Variants in NAV1 observed in about 807,000 individuals in gnomAD.
NAV1 encodes the protein neuron navigator 1, also known as pore membrane and/or filament interacting like protein 3.
NAV1 carries 18 observed loss-of-function variants against 175.2 expected under a neutral mutation model. The observed-to-expected ratio is 0.10, with a 90% confidence interval of 0.07 to 0.15. The LOEUF is 0.15. NAV1 is among the 10% of genes least tolerant of loss of function. The probability of loss-of-function intolerance (pLI) is 1.00; values close to 1 mark genes in which losing one functional copy is unlikely to be tolerated. For synonymous variants in NAV1, 897 were observed against 978.7 expected (o/e 0.92, Z 1.56); for missense variants, 1,731 against 2,436.6 (o/e 0.71, Z 6.10).
chr1:201,659,377 AG>A (rs1669522025), intron 1 of NAV1, among the ~76,000 whole-genome samples: 1 of 152,248 alleles, frequency 6.6e-6, no homozygotes, highest in Non-Finnish European at 1.5e-5. Context: ...GCACTTTGGG[AG>A]GCCGAGGTCG....
At chr1:201,568,472 G>T (rs1459652245) in intron 1 of NAV1, among the ~76,000 whole-genome samples, 1 of 152,160 alleles carries the variant, frequency 6.6e-6, no homozygotes, top group African/African-American at 2.4e-5. Flanking sequence ...GTGGTGGTAT[G>T]TCTGGCCACA....
intron 15 of NAV1, 165 bp downstream of exon 19, chr1:201,794,742 T>C (rs1344225776): frequency 1.5e-6 from 1 of 660,742 alleles, no homozygotes; most frequent in Non-Finnish European, 2.6e-6. Context: ...CAGTGAGGAG[T>C]ACCAGGGGCA....
chr1:201,749,595 G>T (rs1325599277), intron 3 of NAV1, among the ~76,000 whole-genome samples: 18 of 152,218 alleles, frequency 1.2e-4, no homozygotes, highest in Admixed American at 1.2e-3. Flanking sequence ...GTTTATGCCA[G>T]TTGAACTTGG....
rs145244423 is a variant in NAV1, at chr1:201,744,300, C to CTATG, written c.1226+25561_1226+25564dup. On this transcript the variant is annotated intron_variant, in intron 3 of 29. Transcript: ENST00000367296. ...AGACAAAACCCTAAGGAGCTGACGG[C>CTATG]TATGTATGTATGTATGTATTTATTT... 6.2e-4 allele frequency among the ~76,000 whole-genome samples: 94 copies of CTATG among 150,722 alleles called. 2 individuals are homozygous for CTATG. The highest frequency in any genetic ancestry group is 1.0e-3 in the Non-Finnish European group (68 of 67,802).
intron 1 of NAV1, among the ~76,000 whole-genome samples, chr1:201,685,957 C>A (rs1286179509): frequency 1.3e-5 from 2 of 152,232 alleles, no homozygotes; most frequent in African/African-American, 4.8e-5. Flanking sequence ...CCCCTGAATG[C>A]AGTCTTGGCT....
intron 3 of NAV1, among the ~76,000 whole-genome samples, chr1:201,759,387 A>G (rs1674700375): frequency 6.6e-6 from 1 of 152,232 alleles, no homozygotes; most frequent in Non-Finnish European, 1.5e-5. Context: ...TCAACTTCAC[A>G]GACTGAAGGA....
intron 1 of NAV1, among the ~76,000 whole-genome samples, chr1:201,689,860 G>A (rs1670832886): frequency 6.6e-6 from 1 of 152,184 alleles, no homozygotes; most frequent in African/African-American, 2.4e-5. Flanking sequence ...TCCCCAGAGT[G>A]TGTCTATTTC....
intron 3 of NAV1, among the ~76,000 whole-genome samples, chr1:201,748,768 C>A (rs1220226807): frequency 6.6e-6 from 1 of 152,120 alleles, no homozygotes; most frequent in Non-Finnish European, 1.5e-5. Flanking sequence ...AAGTTGGGAC[C>A]CTTGGGTTTG....
intron 1 of NAV1, among the ~76,000 whole-genome samples, chr1:201,702,671 A>G (rs1671475096): frequency 2.8e-5 from 3 of 105,964 alleles, no homozygotes; most frequent in East Asian, 3.0e-4. Flanking sequence ...TGGTATGTGA[A>G]TTCTCTCTCT....
intron 1 of NAV1, among the ~76,000 whole-genome samples, chr1:201,652,824 G>A (rs1669257005): frequency 6.6e-6 from 1 of 152,118 alleles, no homozygotes; most frequent in Non-Finnish European, 1.5e-5. Context: ...TTTATGATGG[G>A]GTTATGTCCC....
At chr1:201,637,475 T>C (rs542270288) in intron 2 of NAV1, among the ~76,000 whole-genome samples, 1 of 152,334 alleles carries the variant, frequency 6.6e-6, no homozygotes, top group Non-Finnish European at 1.5e-5. Context: ...ATGTCATCAC[T>C]GTGTTGACAA....
Position 201,787,650 on chromosome 1 carries a change from CA to C in NAV1, c.2996-817del, listed in dbSNP as rs1186182954. ...GAGAGGTGTGCCATCTTCTTCTGCA[CA>C]GGTCTTTATGGACAGATTAGACATC... On this transcript the variant is annotated intron_variant, in intron 9 of 29. Coordinates refer to ENST00000367296, the Ensembl canonical transcript of NAV1. This position sits in a 1 kb window ranked among gnomAD's most constrained non-coding sequence, Gnocchi z 4.3. 4 of 456,098 alleles carry C rather than the reference CA, an allele frequency of 8.8e-6. No homozygotes were observed. Among genetic ancestry groups the C allele is most frequent in the Non-Finnish European group, 1.8e-5 (4 of 226,950 alleles). The allele number at this position is 456,098 out of a possible 1,614,324, so 28.3% of individuals were successfully genotyped here. A position where few individuals can be genotyped will look rare whatever the true frequency, so the allele number is the denominator to read the frequency against.
intron 1 of NAV1, among the ~76,000 whole-genome samples, chr1:201,711,781 C>T (rs1473474896): frequency 2.0e-5 from 3 of 152,206 alleles, no homozygotes; most frequent in African/African-American, 7.2e-5. Context: ...GGGCCAGCTT[C>T]TCTTCATTAT....
chr1:201,696,383 G>A (rs1271134880), intron 1 of NAV1, among the ~76,000 whole-genome samples: 2 of 152,200 alleles, frequency 1.3e-5, no homozygotes, highest in Admixed American at 6.5e-5. Context: ...CCTGCCAGAC[G>A]CTCTAGGAAG....
chr1:201,542,783 C>G (rs1260765815), intron 1 of NAV1, among the ~76,000 whole-genome samples: 1 of 152,226 alleles, frequency 6.6e-6, no homozygotes, highest in African/African-American at 2.4e-5. Context: ...AAATTAAAGG[C>G]TCTGATGCAT....
Position 201,799,671 on chromosome 1 carries a change from T to A in NAV1, c.3518-3922T>A, listed in dbSNP as rs184034604. 3.1e-3 allele frequency among the ~76,000 whole-genome samples: 472 copies of A among 152,098 alleles called. 2 individuals are homozygous for A. Among genetic ancestry groups the A allele is most frequent in the East Asian group, 0.014 (70 of 5,164 alleles). ...GGTCAGAAGTTCAAGACCAGCCTGGTCAACATGGTGAAACCCTGTCTCTAC... is the reference window on the plus strand; with the variant it reads ...GGTCAGAAGTTCAAGACCAGCCTGGACAACATGGTGAAACCCTGTCTCTAC... On this transcript the variant is annotated intron_variant, in intron 15 of 29. Transcript: ENST00000367296.
chr1:201,625,583 C>A (rs901230253), intron 1 of NAV1, among the ~76,000 whole-genome samples: 5 of 152,232 alleles, frequency 3.3e-5, no homozygotes, highest in African/African-American at 1.2e-4. Context: ...CCCCTTGTGA[C>A]TTTCTTTACT....
chr1:201,555,940 G>GAAC (rs969111022), intron 1 of NAV1, among the ~76,000 whole-genome samples: 21 of 152,082 alleles, frequency 1.4e-4, no homozygotes, highest in African/African-American at 4.8e-4. Flanking sequence ...AACCCCAAGA[G>GAAC]AACAGTCTGT....
rs1041250889 is a variant in NAV1 at position 201,715,498 on chromosome 1, C to T, written c.860+2579C>T. ...TTTAAAGGGCTTTCTATCAATGAGCCCTTCCCTTAGCCCTGGAAGTAGACA... is the reference window on the plus strand; with the variant it reads ...TTTAAAGGGCTTTCTATCAATGAGCTCTTCCCTTAGCCCTGGAAGTAGACA... On this transcript the variant is annotated intron_variant, in intron 2 of 29. Coordinates refer to ENST00000367296, the Ensembl canonical transcript of NAV1. Among the ~76,000 whole-genome samples, 7 of 152,172 alleles carry T rather than the reference C, an allele frequency of 4.6e-5. No homozygotes were observed. In the South Asian group the frequency reaches 1.0e-3, roughly 22 times the overall value.
Sources: allele counts gnomAD v4.1 joint callset (sites outside exome capture counted in the v4.1 genomes callset), GRCh38; gene constraint gnomAD v4.1.1; non-coding constraint Gnocchi (gnomAD v3.1); transcripts MANE v1.5; gene names NCBI Gene and HGNC (gene_info 2026-07-23, HGNC 2026-07-21).